CYTH1: variants seen among roughly 807,000 people sequenced by gnomAD.
CYTH1 encodes the protein cytohesin 1.
CYTH1 carries 18 observed loss-of-function variants against 61.8 expected under a neutral mutation model. The observed-to-expected ratio is 0.29, with a 90% CI of 0.20 to 0.43. The LOEUF (loss-of-function observed/expected upper bound fraction) is 0.43. Ranked by LOEUF, CYTH1 falls within the 20% of genes least tolerant of loss-of-function variation. The probability of loss-of-function intolerance (pLI) is 1.00; values close to 1 mark genes in which losing one functional copy is unlikely to be tolerated. For synonymous variants in CYTH1, 174 were observed against 184.3 expected (o/e 0.94, Z 0.45); for missense variants, 336 against 510.5 (o/e 0.66, Z 3.29).
At chr17:78,760,136 G>C (rs898306236) in intron 1 of CYTH1, among the ~76,000 whole-genome samples, 1 of 151,724 alleles carries the variant, frequency 6.6e-6, no homozygotes, top group East Asian at 1.9e-4. Flanking sequence ...AAATTTACTA[G>C]ATTACGAACT....
chr17:78,772,960 G>T (rs2093477480), intron 1 of CYTH1, among the ~76,000 whole-genome samples: 1 of 152,144 alleles, frequency 6.6e-6, no homozygotes, highest in South Asian at 2.1e-4. Context: ...CTCTTGAGTA[G>T]CTGGGATCAC....
rs115103339 is a variant in CYTH1 at position 78,727,340 on chromosome 17, A to G, written c.23-17608T>C. 3.2e-3 allele frequency among the ~76,000 whole-genome samples: 493 copies of G among 152,212 alleles called. 1 individual carries two copies. Among genetic ancestry groups the G allele is most frequent in the African/African-American group, 0.011 (447 of 41,518 alleles). ...TTTTTTACTTTTTTCTTTAAATTCT[A>G]TTCCACTCCTTACACTTAAAAATGC... On this transcript the variant is annotated intron_variant, in intron 1 of 13. Transcript: ENST00000446868.
intron 3 of CYTH1, among the ~76,000 whole-genome samples, chr17:78,705,606 T>G (rs956871180): frequency 1.3e-5 from 2 of 152,146 alleles, no homozygotes. Context: ...TTCTCTCCTA[T>G]AAGAAAGTCC....
intron 1 of CYTH1, among the ~76,000 whole-genome samples, chr17:78,776,206 C>T (rs7224711): frequency 0.46 from 69,523 of 151,916 alleles, 16,845 homozygotes; most frequent in Non-Finnish European, 0.54. Flanking sequence ...AATTGAATCA[C>T]GGCAACTGCA....
chr17:78,745,408 C>A (rs371350316), intron 1 of CYTH1, among the ~76,000 whole-genome samples: 1 of 152,046 alleles, frequency 6.6e-6, no homozygotes, highest in Non-Finnish European at 1.5e-5. Context: ...AATTTACAAG[C>A]GAGAAAGAAT....
In CYTH1 at chr17:78,674,966, AT is replaced by A. The variant is rs1449631022; in HGVS notation, c.*1124del. Reference sequence around the variant, plus strand: ...CACCCCACGGAGCAGATAAAGGCCCATCTTCCCCTCTAGGGGGCCCACCACA... The same window carrying A: ...CACCCCACGGAGCAGATAAAGGCCCACTTCCCCTCTAGGGGGCCCACCACA... On this transcript the variant is annotated 3_prime_UTR_variant, in exon 14 of 14. Transcript: ENST00000446868. The A allele has an allele frequency of 6.6e-6, 1 of 152,366 alleles. No individual in the cohort carries two copies. Among genetic ancestry groups the A allele is most frequent in the Non-Finnish European group, 1.5e-5 (1 of 68,164 alleles). 9.4% of individuals were successfully genotyped at this position (152,366 alleles called of 1,614,324 possible).
chr17:78,723,505 C>CT (rs1461720897), intron 1 of CYTH1: 1 of 152,472 alleles, frequency 6.6e-6, no homozygotes, highest in African/African-American at 2.4e-5. Context: ...GTGGGGAAGG[C>CT]TGGCGCAGAG....
chr17:78,676,282 C>T (rs1026934692), intron 13 of CYTH1, 113 bp from the exon 14 acceptor site: 48 of 1,000,084 alleles, frequency 4.8e-5, no homozygotes, highest in Non-Finnish European at 6.8e-5. Context: ...TGTCCCACCC[C>T]ACCATCACTG....
intron 1 of CYTH1, among the ~76,000 whole-genome samples, chr17:78,740,061 G>A (rs1158564485): frequency 3.3e-5 from 5 of 152,042 alleles, no homozygotes; most frequent in African/African-American, 7.3e-5. Flanking sequence ...TCAGCCTCCC[G>A]AGTGGCTGGG....
chr17:78,711,312 TATACAC>T (rs1187138420), intron 1 of CYTH1, among the ~76,000 whole-genome samples: 3,845 of 132,004 alleles, frequency 0.029, 196 homozygotes, highest in African/African-American at 0.095. Flanking sequence ...AATATATATA[TATACAC>T]ACACACACAC....
intron 1 of CYTH1, among the ~76,000 whole-genome samples, chr17:78,711,862 C>T (rs2093135756): frequency 6.6e-6 from 1 of 151,974 alleles, no homozygotes; most frequent in South Asian, 2.1e-4. Flanking sequence ...AGGCAGACTG[C>T]TTGAGCCCAT....
chr17:78,690,299 CAGG>C (rs1007007452), intron 11 of CYTH1, among the ~76,000 whole-genome samples: 21 of 141,538 alleles, frequency 1.5e-4, no homozygotes, highest in Middle Eastern at 8.1e-3. Context: ...GAGGCCGAGG[CAGG>C]AGAATGGCGT....
At chr17:78,767,319 T>C (rs1421465900) in intron 1 of CYTH1, among the ~76,000 whole-genome samples, 4 of 151,920 alleles carry the variant, frequency 2.6e-5, no homozygotes, top group Non-Finnish European at 5.9e-5. Context: ...TTTAAAACCA[T>C]TTTTTTTAAA....
At chr17:78,766,229 C>T (rs2093448234) in intron 1 of CYTH1, among the ~76,000 whole-genome samples, 1 of 152,046 alleles carries the variant, frequency 6.6e-6, no homozygotes, top group Admixed American at 6.6e-5. Context: ...TCTCCTGTCT[C>T]ACTGTTAAAT....
intron 1 of CYTH1, among the ~76,000 whole-genome samples, chr17:78,763,354 C>G (rs958658765): frequency 6.6e-6 from 1 of 151,488 alleles, no homozygotes; most frequent in Admixed American, 6.6e-5. Context: ...CATTTATATA[C>G]ACATTTGTCA....
intron 3 of CYTH1, among the ~76,000 whole-genome samples, chr17:78,703,607 C>G (rs191809771): frequency 6.6e-6 from 1 of 152,274 alleles, no homozygotes; most frequent in Admixed American, 6.5e-5. Context: ...CTACCTCCAT[C>G]CCCAGGCAAC....
intron 1 of CYTH1, among the ~76,000 whole-genome samples, chr17:78,766,505 C>T (rs1376926378): frequency 6.6e-6 from 1 of 152,114 alleles, no homozygotes; most frequent in Non-Finnish European, 1.5e-5. Context: ...AACAGCAGCC[C>T]CTAAACTAAA....
chr17:78,709,277 GCCAGAGCCAGGGCGTGGGCCGA>G (rs2093102204), intron 2 of CYTH1: 1 of 105,460 alleles, frequency 9.5e-6, no homozygotes, highest in Non-Finnish European at 2.3e-5. Flanking sequence ...AAGCGGCAGA[GCCAGAGCCAGGGCGTGGGCCGA>G]GCTTCGCCTG....
At position 78,766,087 on chromosome 17, in the gene CYTH1, GAAAAAAAAAAAA is replaced by G. The variant is rs59673666; in HGVS notation, c.22+16103_22+16114del. On this transcript the variant is annotated intron_variant, in intron 1 of 13. Coordinates refer to ENST00000446868, the MANE Select transcript of CYTH1 (RefSeq NM_004762.6). ...AACATAGTGAGATCCCATCTCTACA[GAAAAAAAAAAAA>G]AAAAAAAAAAGCCAGCCCCTCCTCT... Among the ~76,000 whole-genome samples the G allele has an allele frequency of 9.1e-3, 596 of 65,704 alleles. 9 individuals carry two copies. The highest frequency in any genetic ancestry group is 9.3e-3 in the Non-Finnish European group (353 of 38,112). 43.1% of individuals were successfully genotyped at this position (65,704 alleles called of 152,430 possible).
Sources: allele counts gnomAD v4.1 joint callset (sites outside exome capture counted in the v4.1 genomes callset), GRCh38; gene constraint gnomAD v4.1.1; transcripts MANE v1.5; gene names NCBI Gene and HGNC (gene_info 2026-07-23, HGNC 2026-07-21).